Variants in HSPA12A observed in about 807,000 individuals in gnomAD.
The protein encoded by HSPA12A is heat shock protein family A (Hsp70) member 12A.
Under a neutral mutation model 69.2 loss-of-function variants are expected in HSPA12A, and 28 were observed. The ratio of observed to expected loss-of-function variants is 0.40; its 90% CI spans 0.30 to 0.55. The LOEUF is 0.55. Ranked by LOEUF, HSPA12A falls within the 20% of genes least tolerant of loss-of-function variation. The probability of loss-of-function intolerance (pLI) is 0.38; values close to 1 mark genes in which losing one functional copy is unlikely to be tolerated. For missense variants in HSPA12A, 686 were observed against 900.7 expected (o/e 0.76, Z 3.05); for synonymous variants, 345 against 370.5 (o/e 0.93, Z 0.79).
chr10:116,681,904 G>A, intron 7 of HSPA12A, 27 bp from the exon 8 acceptor site: 2 of 1,602,484 alleles, frequency 1.2e-6, no homozygotes, highest in Non-Finnish European at 1.7e-6. Context: ...AGAAAATGAT[G>A]ACGGGTAAGA....
intron 2 of HSPA12A, among the ~76,000 whole-genome samples, chr10:116,809,599 G>GT (rs1845134516): frequency 6.6e-6 from 1 of 152,194 alleles, no homozygotes; most frequent in African/African-American, 2.4e-5. Context: ...CGCTGCTGCT[G>GT]TTTCATCAAC....
chr10:116,674,313 T>C lies in HSPA12A; in HGVS notation c.*468A>G, dbSNP rs775311409. The C allele has an allele frequency of 1.8e-5, 3 of 163,940 alleles. No individual in the cohort carries two copies. The highest frequency in any genetic ancestry group is 4.0e-5 in the Non-Finnish European group (3 of 74,116). The allele number at this position is 163,940 out of a possible 1,614,324, so 10.2% of individuals were successfully genotyped here. ...ATGAGGAAAAGAAATTAACTGCAGATGGGTGGCATTTTATATTGATGGCCA... is the reference window on the plus strand; with the variant it reads ...ATGAGGAAAAGAAATTAACTGCAGACGGGTGGCATTTTATATTGATGGCCA... On this transcript the variant is annotated 3_prime_UTR_variant, in exon 12 of 12. Coordinates refer to ENST00000369209, the MANE Select transcript of HSPA12A (RefSeq NM_025015.3).
chr10:116,838,245 G>A (rs1845749973), intron 1 of HSPA12A, among the ~76,000 whole-genome samples: 2 of 146,988 alleles, frequency 1.4e-5, no homozygotes, highest in African/African-American at 4.9e-5. Flanking sequence ...AACCCCATTC[G>A]TACAGAGCAA....
At chr10:116,676,557 G>C (rs2166634) in intron 10 of HSPA12A, 55 bp from the exon 11 acceptor site, 1 of 1,351,270 alleles carries the variant, frequency 7.4e-7, no homozygotes, top group South Asian at 1.2e-5. Context: ...ACGATACCCA[G>C]GCTTATCTGC....
At chr10:116,798,929 C>T (rs980415557) in intron 2 of HSPA12A, among the ~76,000 whole-genome samples, 3 of 151,962 alleles carry the variant, frequency 2.0e-5, no homozygotes, top group African/African-American at 2.4e-5. Context: ...GACAAGGCAC[C>T]GCACAGCCAG....
chr10:116,769,209 T>C (rs1554890122), intron 2 of HSPA12A, among the ~76,000 whole-genome samples: 1 of 152,168 alleles, frequency 6.6e-6, no homozygotes, highest in Non-Finnish European at 1.5e-5. Flanking sequence ...GTGAGGTCAC[T>C]TGGACTCTAT....
At chr10:116,795,775 T>C (rs994935536) in intron 2 of HSPA12A, among the ~76,000 whole-genome samples, 11 of 150,368 alleles carry the variant, frequency 7.3e-5, no homozygotes, top group African/African-American at 2.4e-4. Context: ...ATATCATATA[T>C]TATTATTTAT....
intron 2 of HSPA12A, among the ~76,000 whole-genome samples, chr10:116,817,425 T>C (rs1845326360): frequency 6.6e-6 from 1 of 151,258 alleles, no homozygotes; most frequent in African/African-American, 2.4e-5. Context: ...GCGGTGACCT[T>C]AGTGGAGCTA....
At chr10:116,828,979 C>A (rs1174623199) in intron 2 of HSPA12A, 1 of 152,172 alleles carries the variant, frequency 6.6e-6, no homozygotes, top group Non-Finnish European at 1.5e-5. Flanking sequence ...CCATCCAAGC[C>A]TCCACATGCT....
chr10:116,699,056 GC>G (rs1850002007), intron 4 of HSPA12A, among the ~76,000 whole-genome samples: 2 of 152,110 alleles, frequency 1.3e-5, no homozygotes, highest in Admixed American at 1.3e-4. Context: ...GAGAGAATAG[GC>G]AGCAGGTGCC....
intron 1 of HSPA12A, among the ~76,000 whole-genome samples, chr10:116,843,206 T>C (rs1032117798): frequency 2.6e-5 from 4 of 152,162 alleles, no homozygotes; most frequent in South Asian, 4.1e-4. Flanking sequence ...ACAACACAAC[T>C]TCACAATTTT....
intron 2 of HSPA12A, among the ~76,000 whole-genome samples, chr10:116,798,520 C>T (rs923248431): frequency 3.9e-5 from 6 of 152,090 alleles, no homozygotes; most frequent in South Asian, 2.1e-4. Context: ...AAATCTTACA[C>T]GGAAAAGTTG....
intron 2 of HSPA12A, among the ~76,000 whole-genome samples, chr10:116,807,887 C>T (rs189233334): frequency 2.0e-5 from 3 of 152,306 alleles, no homozygotes; most frequent in African/African-American, 4.8e-5. Flanking sequence ...ATGCAGACTG[C>T]GCCCAGACTT....
intron 9 of HSPA12A, among the ~76,000 whole-genome samples, chr10:116,680,676 G>C (rs1554878439): frequency 6.6e-6 from 1 of 152,172 alleles, no homozygotes; most frequent in Non-Finnish European, 1.5e-5. Flanking sequence ...AGTAGAGACA[G>C]GGTTTCATCA....
chr10:116,721,910 G>A (rs1384159362), intron 1 of HSPA12A, among the ~76,000 whole-genome samples: 1 of 152,206 alleles, frequency 6.6e-6, no homozygotes, highest in East Asian at 1.9e-4. Context: ...GGCCTTCCAG[G>A]ACCCCTTGTT....
At chr10:116,705,781 C>A (rs1445626960) in intron 2 of HSPA12A, among the ~76,000 whole-genome samples, 1 of 152,196 alleles carries the variant, frequency 6.6e-6, no homozygotes, top group Non-Finnish European at 1.5e-5. Context: ...GGACCGTGTC[C>A]AATCCCACCA....
chr10:116,840,229 C>T (rs1845782743), intron 1 of HSPA12A, among the ~76,000 whole-genome samples: 1 of 151,992 alleles, frequency 6.6e-6, no homozygotes, highest in African/African-American at 2.4e-5. Context: ...AAGAAGTATA[C>T]AAAAAATTAC....
intron 1 of HSPA12A, among the ~76,000 whole-genome samples, chr10:116,740,330 C>T (rs1554886885): frequency 6.6e-6 from 1 of 152,188 alleles, no homozygotes; most frequent in Non-Finnish European, 1.5e-5. Context: ...AATGAGGAAA[C>T]CTTAGAAATA....
intron 1 of HSPA12A, among the ~76,000 whole-genome samples, chr10:116,847,224 T>G (rs1469376198): frequency 2.6e-5 from 4 of 152,216 alleles, no homozygotes; most frequent in Non-Finnish European, 5.9e-5. Context: ...AAGCCATCTT[T>G]GCTTCCCCAA....
Sources: gnomAD v4.1 joint callset for allele counts (sites outside exome capture counted in the v4.1 genomes callset) on GRCh38, gnomAD v4.1.1 for gene constraint, MANE v1.5 for transcripts, NCBI Gene and HGNC (gene_info 2026-07-23, HGNC 2026-07-21) for gene names.